The following CSMD3 variants were observed in gnomAD, a reference collection of about 807,000 sequenced individuals.
CSMD3 encodes the protein CUB and Sushi multiple domains 3, also known as CUB and sushi domain-containing protein 3.
In CSMD3, 177 loss-of-function variants were observed where a neutral mutation model predicts 435.2. The observed-to-expected ratio is 0.41, with a 90% CI of 0.36 to 0.46. CSMD3 has a LOEUF of 0.46. CSMD3 is among the 20% of genes least tolerant of loss of function. CSMD3 has a pLI of 0.34. For missense variants in CSMD3, 4,265 were observed against 4,504.6 expected, an observed-to-expected ratio of 0.95 and a Z score of 1.52; for synonymous variants, 1,656 against 1,520.5, an observed-to-expected ratio of 1.09 and a Z score of -2.07.
chr8:112,344,612 T>C (rs1027915146), intron 41 of CSMD3, among the ~76,000 whole-genome samples: 4 of 152,156 alleles, frequency 2.6e-5, no homozygotes, highest in African/African-American at 9.7e-5. Context: ...CTTCAATGAG[T>C]ATCTATTCAT....
chr8:113,241,020 A>C (rs1255620013), intron 3 of CSMD3, among the ~76,000 whole-genome samples: 3 of 152,150 alleles, frequency 2.0e-5, no homozygotes, highest in Non-Finnish European at 2.9e-5. Flanking sequence ...ATATGGTAGA[A>C]ACATATTATC....
At chr8:113,318,434 A>G (rs2093925967) in intron 1 of CSMD3, among the ~76,000 whole-genome samples, 4 of 152,126 alleles carry the variant, frequency 2.6e-5, no homozygotes, top group Admixed American at 2.6e-4. Context: ...TTGTTTGACA[A>G]GAGTAGCTAA....
chr8:113,232,043 C>T (rs2093094386), intron 3 of CSMD3, among the ~76,000 whole-genome samples: 1 of 151,432 alleles, frequency 6.6e-6, no homozygotes, highest in African/African-American at 2.4e-5. Context: ...CCACTACTTG[C>T]ATCGCAATTC....
rs2129992994 is a variant in CSMD3 at position 112,237,310 on chromosome 8, C to T, written c.10507G>A (p.Gly3503Ser). The T allele has an allele frequency of 6.2e-7, 1 of 1,612,824 alleles. No homozygotes were observed. The highest frequency in any genetic ancestry group is 8.5e-7 in the Non-Finnish European group (1 of 1,179,038). The change falls in exon 67 of 71, where the codon GGC (glycine) becomes AGC (serine). Residue 3503 changes from glycine (G) to serine (S), a missense_variant. Transcript: ENST00000297405. ...TTCCTTCCTTTGAAATTGTAAGAGC[C>T]TTTCCATATATAATTTTGGGCAAAT... is the stretch of plus-strand genomic sequence containing the variant. ...DVFAQNYIWK[G>S]SYNFKGRKQP...
intron 17 of CSMD3, among the ~76,000 whole-genome samples, chr8:112,658,370 A>T (rs995900717): frequency 1.3e-5 from 2 of 152,182 alleles, no homozygotes; most frequent in African/African-American, 2.4e-5. Flanking sequence ...GAATGGATTC[A>T]AAAAAGGTTA....
At chr8:113,201,374 A>G (rs55810383) in intron 3 of CSMD3, among the ~76,000 whole-genome samples, 21,240 of 151,954 alleles carry the variant, frequency 0.14, 2,702 homozygotes, top group African/African-American at 0.34. Flanking sequence ...AATTAGTCAT[A>G]ACAAATTTCA....
chr8:112,574,651 C>T (rs552044734), intron 23 of CSMD3, among the ~76,000 whole-genome samples: 1 of 151,966 alleles, frequency 6.6e-6, no homozygotes, highest in African/African-American at 2.4e-5. Flanking sequence ...CATTATGACC[C>T]CCAAAGGTGT....
At chr8:112,322,132 T>C (rs1823050712) in intron 45 of CSMD3, among the ~76,000 whole-genome samples, 3 of 152,084 alleles carry the variant, frequency 2.0e-5, no homozygotes, top group Non-Finnish European at 4.4e-5. Context: ...CTCATACCTG[T>C]ATTATTTTAC....
At chr8:112,537,793 C>G (rs1826271672) in intron 27 of CSMD3, among the ~76,000 whole-genome samples, 1 of 151,610 alleles carries the variant, frequency 6.6e-6, no homozygotes, top group Non-Finnish European at 1.5e-5. Context: ...TGAATTCTAC[C>G]AAACATTTAG....
chr8:112,548,273 T>G (rs376160040), intron 27 of CSMD3, among the ~76,000 whole-genome samples: 97 of 152,262 alleles, frequency 6.4e-4, no homozygotes, highest in African/African-American at 2.1e-3. Flanking sequence ...TTTCATCTCC[T>G]TTTTTAGATT....
intron 1 of CSMD3, among the ~76,000 whole-genome samples, chr8:113,401,630 T>G (rs751611451): frequency 1.3e-5 from 2 of 151,622 alleles, no homozygotes; most frequent in Non-Finnish European, 3.0e-5. Flanking sequence ...CTTTTATGCT[T>G]CCAAAGTTCT....
At chr8:112,573,143 G>A (rs965668467) in intron 24 of CSMD3, among the ~76,000 whole-genome samples, 4 of 152,044 alleles carry the variant, frequency 2.6e-5, no homozygotes, top group African/African-American at 9.7e-5. Context: ...TTGCATCTTT[G>A]CAGTTCAAGA....
chr8:113,094,361 T>A (rs554668928), intron 5 of CSMD3, among the ~76,000 whole-genome samples: 1 of 152,152 alleles, frequency 6.6e-6, no homozygotes, highest in Non-Finnish European at 1.5e-5. Flanking sequence ...TTAGTTACTG[T>A]AACTTTTTCC....
At chr8:112,496,967 G>C (rs1272227704) in intron 30 of CSMD3, among the ~76,000 whole-genome samples, 1 of 152,084 alleles carries the variant, frequency 6.6e-6, no homozygotes, top group Non-Finnish European at 1.5e-5. Context: ...TTGATTGTTT[G>C]TAACACAAAG....
Position 112,518,034 on chromosome 8 carries a change from A to T in CSMD3, c.4565-809T>A, listed in dbSNP as rs753591685. 3.3e-4 allele frequency among the ~76,000 whole-genome samples: 50 copies of T among 152,326 alleles called. No individual in the cohort carries two copies. In the Middle Eastern group the frequency reaches 0.014, roughly 41 times the overall value. ...AACCCAAATGTCATTCAACAGGTAA[A>T]TGTTTAAACGATGGTAAATCCATGC... On this transcript the variant is annotated intron_variant, in intron 27 of 70. Transcript: ENST00000297405.
intron 3 of CSMD3, among the ~76,000 whole-genome samples, chr8:113,253,805 C>T (rs1177411829): frequency 1.3e-5 from 2 of 150,390 alleles, no homozygotes; most frequent in African/African-American, 4.9e-5. Context: ...TGCCACTGCA[C>T]TGCAGTCTGG....
chr8:112,375,833 T>C (rs1222787474), intron 38 of CSMD3, among the ~76,000 whole-genome samples: 2 of 152,172 alleles, frequency 1.3e-5, no homozygotes, highest in Non-Finnish European at 2.9e-5. Context: ...TTTTGATCTG[T>C]GGCACCTATA....
In CSMD3 at chr8:112,953,233, C is replaced by T. The variant is rs1189719354; in HGVS notation, c.1420+1451G>A. Among the ~76,000 whole-genome samples the T allele has an allele frequency of 2.0e-5, 3 of 151,386 alleles. No homozygotes were observed. The East Asian group carries it at 5.8e-4, about 29-fold the overall frequency. On this transcript the variant is annotated intron_variant, in intron 8 of 70. Transcript: ENST00000297405. The stretch of plus-strand genomic sequence containing the variant: ...GTAGTAAACATAACATTTAATTTTG[C>T]TAACATTTAAGTTTTATTTCATGAT...
At chr8:113,374,774 T>C (rs1328782989) in intron 1 of CSMD3, among the ~76,000 whole-genome samples, 1 of 146,900 alleles carries the variant, frequency 6.8e-6, no homozygotes, top group Non-Finnish European at 1.5e-5. Flanking sequence ...ACTTATTCAA[T>C]TATTCTTTGT....
Sources: allele counts gnomAD v4.1 joint callset (sites outside exome capture counted in the v4.1 genomes callset), GRCh38; gene constraint gnomAD v4.1.1; transcripts MANE v1.5; gene names NCBI Gene and HGNC (gene_info 2026-07-23, HGNC 2026-07-21).